MYO15A: variants seen among roughly 807,000 people sequenced by gnomAD.
MYO15A encodes the protein myosin XVA, also known as unconventional myosin-XV.
Under a neutral mutation model 394.6 loss-of-function variants are expected in MYO15A, and 308 were observed. That is an observed-to-expected ratio of 0.78 (90% CI 0.71 to 0.86). The LOEUF (loss-of-function observed/expected upper bound fraction) is 0.86, where lower values mean the gene tolerates loss of function less well. Among genes scored for constraint, MYO15A ranks in the 40% least tolerant of loss-of-function variants. The probability of loss-of-function intolerance (pLI) is 0.00; values close to 1 mark genes in which losing one functional copy is unlikely to be tolerated. For synonymous variants in MYO15A, 1,957 were observed against 2,003.8 expected (o/e 0.98, Z 0.62); for missense variants, 4,606 against 4,799.1 (o/e 0.96, Z 1.19).
chr17:18,130,689 A>T, intron 7 of MYO15A, 116 bp from the exon 8 acceptor site: 1 of 1,568,234 alleles, frequency 6.4e-7, no homozygotes, highest in Non-Finnish European at 8.7e-7. Flanking sequence ...GGTTTTTACT[A>T]GTCCCTCCCT....
Position 18,148,045 on chromosome 17 carries a change from G to A in MYO15A, c.6526G>A (p.Gly2176Arg). The A allele has an allele frequency of 6.2e-7, 1 of 1,614,102 alleles. No individual in the cohort carries two copies. The highest frequency in any genetic ancestry group is 8.5e-7 in the Non-Finnish European group (1 of 1,180,022). Residue 2176 changes from glycine (G) to arginine (R), a missense_variant, in exon 31 of 66, where the codon GGG becomes AGG. Gly to Arg is a moderately radical substitution (Grantham distance 125). Around this residue, in one of 2 missense-constraint regions of MYO15A, gnomAD observed 2,776 missense variants for 3,109.3 expected, o/e 0.89. Coordinates refer to ENST00000647165, the MANE Select transcript of MYO15A (RefSeq NM_016239.4). The surrounding 1 kb of genome is among the most constrained non-coding windows in gnomAD (Gnocchi z 4.8). ...KYLLKFVSDY[G>R]RNGFQAVCQH... ...ACCCATCAGGTTTGTGTCTGATTAT[G>A]GGCGGAATGGCTTCCAGGCTGTGTG...
chr17:18,164,287 C>T (rs1434963894), intron 60 of MYO15A: 1 of 247,194 alleles, frequency 4.0e-6, no homozygotes, highest in East Asian at 1.2e-4. Flanking sequence ...CTCCTGGGAC[C>T]CTAGGTGACC....
intron 12 of MYO15A, among the ~76,000 whole-genome samples, chr17:18,135,245 A>G (rs999511615): frequency 6.6e-6 from 1 of 152,038 alleles, no homozygotes; most frequent in Non-Finnish European, 1.5e-5. Context: ...ATCTCAGCTC[A>G]CTGCAACCTC....
intron 15 of MYO15A, 124 bp downstream of exon 15, chr17:18,136,810 A>T: frequency 1.5e-6 from 2 of 1,350,878 alleles, no homozygotes; most frequent in Non-Finnish European, 2.0e-6. Flanking sequence ...CCCTTCATGG[A>T]CCCCTCCCTG....
Position 18,150,705 on chromosome 17 carries a change from C to T in MYO15A, c.7335C>T (p.Gly2445=), listed in dbSNP as rs767263042. Residue 2445 remains glycine, a synonymous_variant, in exon 37 of 66, where the codon GGC becomes GGT. Transcript: ENST00000647165. This position sits in a 1 kb window ranked among gnomAD's most constrained non-coding sequence, Gnocchi z 4.4. ...RRPPEPKPIP[G]LDASTLALQQ... ...TCTGCCCCCTCCCCTCAGTCCCAGG[C>T]CTGGATGCCTCCACATTGGCTCTGC... is the stretch of plus-strand genomic sequence containing the variant. 3.1e-6 allele frequency: 5 copies of T among 1,589,452 alleles called. No individual in the cohort carries two copies. Among genetic ancestry groups the T allele is most frequent in the Middle Eastern group, 1.7e-4 (1 of 5,934 alleles).
chr17:18,132,051 C>T lies in MYO15A; in HGVS notation c.4207-402C>T, dbSNP rs1424079656. ...TCAGGGGCTTCTCTCTACGTTGTTC[C>T]CCACTATGTCCCAAGGGCCTAGGAC... On this transcript the variant is annotated intron_variant, in intron 10 of 65. Transcript: ENST00000647165. This position sits in a 1 kb window ranked among gnomAD's most constrained non-coding sequence, Gnocchi z 4.6. 6.6e-6 allele frequency among the ~76,000 whole-genome samples: 1 copy of T among 152,172 alleles called. No homozygotes were observed. Among genetic ancestry groups the T allele is most frequent in the Non-Finnish European group, 1.5e-5 (1 of 68,034 alleles).
chr17:18,158,480 G>C (rs757992626), intron 51 of MYO15A, 43 bp from the exon 52 acceptor site: 2 of 1,555,306 alleles, frequency 1.3e-6, no homozygotes, highest in African/African-American at 1.4e-5. Flanking sequence ...GGCTAGGCGT[G>C]GTGTGGCCGG....
rs566871945 is a variant in MYO15A, at chr17:18,130,950, G to T, written c.4038+140G>T. 470 of 979,204 alleles carry T rather than the reference G, an allele frequency of 4.8e-4. 1 individual carries two copies. Among genetic ancestry groups the T allele is most frequent in the Non-Finnish European group, 6.5e-4 (424 of 651,852 alleles). 60.7% of individuals were successfully genotyped at this position (979,204 alleles called of 1,614,324 possible). On this transcript the variant is annotated intron_variant, in intron 8 of 65. Transcript: ENST00000647165. The stretch of plus-strand genomic sequence containing the variant: ...GGCAGGAAAGGACATCCAAAGGCCT[G>T]TCCTAGGCAGGGCTGGGGCTTGTGG...
rs902587536 is a variant in MYO15A at position 18,144,716 on chromosome 17, A to G, written c.6273+124A>G. 6 of 847,010 alleles carry G rather than the reference A, an allele frequency of 7.1e-6. No individual in the cohort carries two copies. The Admixed American group carries it at 9.9e-5, about 14-fold the overall frequency. The allele number at this position is 847,010 out of a possible 1,614,324, so 52.5% of individuals were successfully genotyped here. On this transcript the variant is annotated intron_variant, in intron 29 of 65. Transcript: ENST00000647165. ...CCATGAGCCCCACACCTCTTCCCCA[A>G]AGGACAGACTTTTATGTCAGAGGGG...
At chr17:18,178,604 G>A in intron 65 of MYO15A, 165 bp from the exon 66 acceptor site, 2 of 735,470 alleles carry the variant, frequency 2.7e-6, no homozygotes, top group South Asian at 3.0e-5. Flanking sequence ...CGGCCTTCCA[G>A]CTCTTCATGC....
Position 18,113,797 on chromosome 17 carries a change from G to GACACACACACAC in MYO15A, c.-219-4752_-219-4741dup, listed in dbSNP as rs4025536. 1.8e-3 allele frequency among the ~76,000 whole-genome samples: 247 copies of GACACACACACAC among 138,904 alleles called. 1 individual carries two copies. Among genetic ancestry groups the GACACACACACAC allele is most frequent in the African/African-American group, 5.9e-3 (206 of 35,154 alleles). The allele number at this position is 138,904 out of a possible 152,430, so 91.1% of individuals were successfully genotyped here. On this transcript the variant is annotated intron_variant, in intron 1 of 65. Transcript: ENST00000647165. ...AACTTATATTCTTAGCACCTCCCCTGACACACACACACACACACACACACA... is the reference window on the plus strand; with the variant it reads ...AACTTATATTCTTAGCACCTCCCCTGACACACACACACACACACACACACACACACACACACA...
chr17:18,157,013 T>C lies in MYO15A; in HGVS notation c.8661T>C (p.Ala2887=). 6.2e-7 allele frequency: 1 copy of C among 1,614,164 alleles called. No homozygotes were observed. Among genetic ancestry groups the C allele is most frequent in the Non-Finnish European group, 8.5e-7 (1 of 1,180,014 alleles). ...TGCCTGAGGACCCTGCGCTGCTGGC[T>C]TTCCACAAGGGTGACATCATACACC... is the stretch of plus-strand genomic sequence containing the variant. ...NFLPEDPALL[A]FHKGDIIHLQ... Residue 2887 remains alanine, a synonymous_variant, in exon 49 of 66, where the codon GCT becomes GCC. Transcript: ENST00000647165.
chr17:18,132,512 G>C lies in MYO15A; in HGVS notation c.4266G>C (p.Gln1422His), dbSNP rs1241558718. The change falls in exon 11 of 66, where the codon CAG becomes CAC. Residue 1422 changes from glutamine (Q) to histidine (H), a missense_variant. Around this residue, in one of 2 missense-constraint regions of MYO15A, gnomAD observed 2,776 missense variants for 3,109.3 expected, o/e 0.89. Transcript: ENST00000647165. This position sits in a 1 kb window ranked among gnomAD's most constrained non-coding sequence, Gnocchi z 4.6. ...AGTTGCTGGCCGGGTTGCCTGCCCA[G>C]CTCAGGCAGGCCTTTAGCCTGCAAG... is the stretch of plus-strand genomic sequence containing the variant. ...FYELLAGLPAQLRQAFSLQEA... is the reference protein window; with the variant it reads ...FYELLAGLPAHLRQAFSLQEA... The C allele has an allele frequency of 6.2e-7, 1 of 1,613,716 alleles. No homozygotes were observed. The highest frequency in any genetic ancestry group is 1.1e-5 in the South Asian group (1 of 91,092).
rs563684416 is a variant in MYO15A, at chr17:18,156,097, G to T, written c.8460-98G>T. 795 of 1,585,806 alleles carry T rather than the reference G, an allele frequency of 5.0e-4. 6 individuals are homozygous for T. The highest frequency in any genetic ancestry group is 1.1e-4 in the Non-Finnish European group (122 of 1,161,806). ...GGCACAATGGGGCCAAGGTGGGGCT[G>T]GGCTTCAAATGGGGCAGGACAGGAT... On this transcript the variant is annotated intron_variant, in intron 47 of 65. Transcript: ENST00000647165.
At position 18,135,495 on chromosome 17, in the gene MYO15A, C is replaced by T. The variant is rs985371914; in HGVS notation, c.4483-216C>T. Among the ~76,000 whole-genome samples the T allele has an allele frequency of 1.3e-4, 20 of 152,286 alleles. 1 individual carries two copies. The highest frequency in any genetic ancestry group is 7.7e-4 in the East Asian group (4 of 5,176). On this transcript the variant is annotated intron_variant, in intron 12 of 65. Transcript: ENST00000647165. ...TAGCTGGGATTACAGGCATACGCCA[C>T]CACACCTGGCTAATTTTGTATTTTT...
At chr17:18,144,890 G>C (rs973197860) in intron 29 of MYO15A, among the ~76,000 whole-genome samples, 4 of 152,062 alleles carry the variant, frequency 2.6e-5, no homozygotes, top group Non-Finnish European at 5.9e-5. Context: ...CAGTCTGAAG[G>C]GGGAGGCAGA....
Position 18,119,458 on chromosome 17 carries a change from C to G in MYO15A, c.658C>G (p.Arg220Gly), listed in dbSNP as rs1449403411. ...DEAPFHHSGS[R>G]KSLYGLEGFQ... ...GGCCCCATTCCATCACTCGGGCTCC[C>G]GCAAGTCGCTGTACGGGCTTGAGGG... Residue 220 changes from arginine (R) to glycine (G), a missense_variant, in exon 2 of 66, where the codon CGC (arginine) becomes GGC (glycine). Physicochemically the swap from Arg to Gly is moderately radical, Grantham distance 125. Coordinates refer to ENST00000647165, the MANE Select transcript of MYO15A (RefSeq NM_016239.4). The G allele has an allele frequency of 1.9e-6, 3 of 1,612,640 alleles. No individual in the cohort carries two copies. The highest frequency in any genetic ancestry group is 2.5e-6 in the Non-Finnish European group (3 of 1,179,986).
rs140221279 is a variant in MYO15A at position 18,119,984 on chromosome 17, C to T, written c.1184C>T (p.Pro395Leu). Residue 395 changes from proline (P) to leucine (L), a missense_variant, in exon 2 of 66, where the codon CCC becomes CTC. Physicochemically the swap from Pro to Leu is moderately conservative, Grantham distance 98. Around this residue, in one of 2 missense-constraint regions of MYO15A, gnomAD observed 1,830 missense variants for 1,689.7 expected, o/e 1.08. Transcript: ENST00000647165. ...YGGGDEAIYPPEVPYFYPEES... is the reference protein window; with the variant it reads ...YGGGDEAIYPLEVPYFYPEES... ...GGTGGGGACGAGGCCATCTACCCCC[C>T]CGAGGTGCCCTATTTTTACCCGGAG... The T allele has an allele frequency of 1.7e-5, 28 of 1,613,780 alleles. No homozygotes were observed. The highest frequency in any genetic ancestry group is 2.2e-5 in the Non-Finnish European group (26 of 1,180,024).
Position 18,167,587 on chromosome 17 carries a change from C to A in MYO15A, c.9949-3C>A, listed in dbSNP as rs751486680. 6.2e-7 allele frequency: 1 copy of A among 1,601,900 alleles called. No individual in the cohort carries two copies. Among genetic ancestry groups the A allele is most frequent in the Non-Finnish European group, 8.5e-7 (1 of 1,179,856 alleles). Reference sequence around the variant, plus strand: ...CAGCCCCTCACCCAGGTGCTCCCTGCAGGTCCTGCCTGACTACCTGAAGGG... The same window carrying A: ...CAGCCCCTCACCCAGGTGCTCCCTGAAGGTCCTGCCTGACTACCTGAAGGG... On this transcript the variant is annotated splice_polypyrimidine_tract_variant and splice_region_variant and intron_variant, in intron 61 of 65. Coordinates refer to ENST00000647165, the MANE Select transcript of MYO15A (RefSeq NM_016239.4).
Sources: gnomAD v4.1 joint callset for allele counts (sites outside exome capture counted in the v4.1 genomes callset) on GRCh38, gnomAD v4.1.1 for gene constraint, gnomAD v4.1.1 regional missense constraint, Gnocchi (gnomAD v3.1) non-coding constraint, MANE v1.5 for transcripts, NCBI Gene and HGNC (gene_info 2026-07-23, HGNC 2026-07-21) for gene names.